The following PRMT5 variants were observed in gnomAD, a reference collection of about 807,000 sequenced individuals.
PRMT5 encodes the protein protein arginine methyltransferase 5.
Under a neutral mutation model 84.0 loss-of-function variants are expected in PRMT5, and 15 were observed. The ratio of observed to expected loss-of-function variants is 0.18; its 90% CI spans 0.12 to 0.28. The LOEUF (loss-of-function observed/expected upper bound fraction) is 0.28, where lower values mean the gene tolerates loss of function less well. Among genes scored for constraint, PRMT5 ranks in the 10% least tolerant of loss-of-function variants. The pLI, the probability that PRMT5 is intolerant of heterozygous loss-of-function variation, is 1.00. For synonymous variants in PRMT5, 276 were observed against 292.4 expected (o/e 0.94, Z 0.57); for missense variants, 486 against 808.0 (o/e 0.60, Z 4.83).
chr14:22,921,785 G>A (rs1308003948), intron 16 of PRMT5, among the ~76,000 whole-genome samples: 5 of 151,686 alleles, frequency 3.3e-5, no homozygotes, highest in Non-Finnish European at 1.5e-5. Context: ...GGGAGGCTGA[G>A]GCAGGAGAAT....
At position 22,922,067 on chromosome 14, in the gene PRMT5, T is replaced by C. The variant is rs193141695; in HGVS notation, c.1761+109A>G. ...CACTGGGATCCAAGAGCATATGAAA[T>C]CAGGAGAACATGAGTCATAGTCAAC... On this transcript the variant is annotated intron_variant, in intron 16 of 16. Coordinates refer to ENST00000324366, the MANE Select transcript of PRMT5 (RefSeq NM_006109.5). 3,148 of 999,386 alleles carry C rather than the reference T, an allele frequency of 3.1e-3. 29 individuals carry two copies. The highest frequency in any genetic ancestry group is 2.5e-3 in the Non-Finnish European group (1,609 of 639,072). 61.9% of individuals were successfully genotyped at this position (999,386 alleles called of 1,614,324 possible).
At chr14:22,925,477 G>A (rs755575474) in intron 7 of PRMT5, among the ~76,000 whole-genome samples, 4 of 152,024 alleles carry the variant, frequency 2.6e-5, no homozygotes, top group South Asian at 4.1e-4. Context: ...GTTCTCTAGC[G>A]TCTGTCCCAA....
rs2044332738 is a variant in PRMT5 at position 22,922,820 on chromosome 14, G to A, written c.1501C>T (p.Pro501Ser). ...AAGTTGTGCAGCCGTACCACATAAG[G>A]CATCTCAAACTGGGCCTGTCAGAGA... ...DRDPEAQFEMPYVVRLHNFHQ... is the reference protein window; with the variant it reads ...DRDPEAQFEMSYVVRLHNFHQ... Residue 501 changes from proline (P) to serine (S), a missense_variant, in exon 14 of 17, where the codon CCT (proline) becomes TCT (serine). By Grantham distance (74) the Pro-to-Ser change is moderately conservative (BLOSUM62 -1). This residue lies in a region of PRMT5 where 219 missense variants were observed against 433.6 expected (regional missense o/e 0.51). Coordinates refer to ENST00000324366, the MANE Select transcript of PRMT5 (RefSeq NM_006109.5). 6.2e-7 allele frequency: 1 copy of A among 1,613,604 alleles called. No homozygotes were observed. The highest frequency in any genetic ancestry group is 1.1e-5 in the South Asian group (1 of 91,042).
chr14:22,926,688 A>G lies in PRMT5; in HGVS notation c.563+14T>C. 1 of 1,609,404 alleles carries G rather than the reference A, an allele frequency of 6.2e-7. No homozygotes were observed. Among genetic ancestry groups the G allele is most frequent in the Non-Finnish European group, 8.5e-7 (1 of 1,175,670 alleles). On this transcript the variant is annotated intron_variant, in intron 5 of 16. Coordinates refer to ENST00000324366, the MANE Select transcript of PRMT5 (RefSeq NM_006109.5). ...ATCCCTTGCACCCTGGTACAGCAGC[A>G]AAGGGAGACATACCACATCCACGTT... is the stretch of plus-strand genomic sequence containing the variant.
At chr14:22,926,667 C>G (rs768567814) in intron 5 of PRMT5, 35 bp downstream of exon 5, 54 of 1,605,744 alleles carry the variant, frequency 3.4e-5, no homozygotes, top group Non-Finnish European at 4.1e-5. Context: ...CACCCTATCC[C>G]TTGCACCCTG....
In PRMT5 at chr14:22,924,727, G is replaced by GTGT; in HGVS notation, c.940-19_940-18insACA. On this transcript the variant is annotated intron_variant, in intron 8 of 16. Transcript: ENST00000324366. This position sits in a 1 kb window ranked among gnomAD's most constrained non-coding sequence, Gnocchi z 6.5. The stretch of plus-strand genomic sequence containing the variant: ...ATCAGTGGCTGATGAATGAGGAAAA[G>GTGT]GACAAAGTTAGCCAGTTTCTGGCAA... The GTGT allele has an allele frequency of 1.9e-6, 3 of 1,611,854 alleles. No individual in the cohort carries two copies. In the South Asian group the frequency reaches 3.3e-5, roughly 18 times the overall value.
chr14:22,926,527 A>G lies in PRMT5; in HGVS notation c.592T>C (p.Tyr198His). ...WWHNFRTLCD[Y>H]SKRIAVALEI... is the part of the protein sequence containing the mutation. The stretch of plus-strand genomic sequence containing the variant: ...TCACCCACTGCAATCCTCTTACTAT[A>G]GTCACACAAAGTCCGGAAGTTGTGC... The change falls in exon 6 of 17, where the codon TAT becomes CAT. Residue 198 changes from tyrosine (Y) to histidine (H), a missense_variant. Tyr to His is a moderately conservative substitution (Grantham distance 83). Transcript: ENST00000324366. The G allele has an allele frequency of 1.2e-6, 2 of 1,614,178 alleles. No homozygotes were observed. Among genetic ancestry groups the G allele is most frequent in the Non-Finnish European group, 1.7e-6 (2 of 1,180,032 alleles).
chr14:22,922,273 C>T, intron 15 of PRMT5, 33 bp from the exon 16 acceptor site: 2 of 1,548,088 alleles, frequency 1.3e-6, no homozygotes, highest in Non-Finnish European at 1.8e-6. Context: ...AAACAGAGGT[C>T]TCCATGGCTG....
rs551620748 is a variant in PRMT5 at position 22,922,875 on chromosome 14, C to A, written c.1486-40G>T. Reference sequence around the variant, plus strand: ...AAGAGAGAGAGAGTGTTGGGGAAGACACACAAGAGAGAACTACTTCCCCAA... The same window carrying A: ...AAGAGAGAGAGAGTGTTGGGGAAGAAACACAAGAGAGAACTACTTCCCCAA... On this transcript the variant is annotated intron_variant, in intron 13 of 16. Transcript: ENST00000324366. The A allele has an allele frequency of 4.9e-5, 77 of 1,580,476 alleles. No homozygotes were observed. The East Asian group carries it at 1.7e-3, about 35-fold the overall frequency.
Position 22,928,314 on chromosome 14 carries a change from G to T in PRMT5, c.230-103C>A. 7.4e-7 allele frequency: 1 copy of T among 1,353,576 alleles called. No individual in the cohort carries two copies. The highest frequency in any genetic ancestry group is 1.2e-5 in the South Asian group (1 of 83,196). The allele number at this position is 1,353,576 out of a possible 1,614,324, so 83.8% of individuals were successfully genotyped here. A position where few individuals can be genotyped will look rare whatever the true frequency, so the allele number is the denominator to read the frequency against. ...TCAAGAGTAGAAATGAGAGACAAAG[G>T]TTTTTTCTACATAGACATGGGATAG... On this transcript the variant is annotated intron_variant, in intron 2 of 16. Transcript: ENST00000324366. This position sits in a 1 kb window ranked among gnomAD's most constrained non-coding sequence, Gnocchi z 4.8.
In PRMT5 at chr14:22,928,131, C is replaced by G; in HGVS notation, c.310G>C (p.Glu104Gln). 1 of 1,613,948 alleles carries G rather than the reference C, an allele frequency of 6.2e-7. No homozygotes were observed. Among genetic ancestry groups the G allele is most frequent in the Non-Finnish European group, 8.5e-7 (1 of 1,179,930 alleles). Residue 104 changes from glutamate to glutamine, a missense_variant, in exon 3 of 17, where the codon GAG becomes CAG. Physicochemically the swap from Glu to Gln is conservative, Grantham distance 29. This residue lies in a region of PRMT5 where 215 missense variants were observed against 301.1 expected (regional missense o/e 0.71). Transcript: ENST00000324366. The surrounding 1 kb of genome is among the most constrained non-coding windows in gnomAD (Gnocchi z 4.8). ...SKVEKIRRNS[E>Q]AAMLQELNFG... is the part of the protein sequence containing the mutation. ...GAGAAGTCAAACAGTCTTACCGCCTCGGAGTTCCTGCGAATCTTCTCCACT... is the reference window on the plus strand; with the variant it reads ...GAGAAGTCAAACAGTCTTACCGCCTGGGAGTTCCTGCGAATCTTCTCCACT...
chr14:22,922,059 A>T, intron 16 of PRMT5, 117 bp downstream of exon 16: 2 of 935,320 alleles, frequency 2.1e-6, no homozygotes, highest in Non-Finnish European at 3.4e-6. Context: ...ATCCAAGAGC[A>T]TATGAAATCA....
Position 22,920,871 on chromosome 14 carries a change from G to C in PRMT5, c.*33C>G, listed in dbSNP as rs368878515. ...TACTACAGGAGCAGAACCTGAAGCT[G>C]CTTCCAAGGCTCTGGACACTTGGCA... On this transcript the variant is annotated 3_prime_UTR_variant, in exon 17 of 17. Transcript: ENST00000324366. The C allele has an allele frequency of 1.2e-6, 2 of 1,612,140 alleles. No homozygotes were observed. The highest frequency in any genetic ancestry group is 1.3e-5 in the African/African-American group (1 of 74,908).
rs2044481785 is a variant in PRMT5 at position 22,928,788 on chromosome 14, C to A, written c.111-173G>T. Among the ~76,000 whole-genome samples, 1 of 152,106 alleles carries A rather than the reference C, an allele frequency of 6.6e-6. No individual in the cohort carries two copies. The highest frequency in any genetic ancestry group is 2.4e-5 in the African/African-American group (1 of 41,396). ...GGGATATCAACTCTGCTGTACTGTG[C>A]CTCAATTTCTCCCTAAAACACAGCC... On this transcript the variant is annotated intron_variant, in intron 1 of 16. Transcript: ENST00000324366. The surrounding 1 kb of genome is among the most constrained non-coding windows in gnomAD (Gnocchi z 4.8).
At chr14:22,926,362 G>A (rs762722940) in intron 6 of PRMT5, 66 bp from the exon 7 acceptor site, 134 of 1,598,662 alleles carry the variant, frequency 8.4e-5, no homozygotes, top group Non-Finnish European at 1.1e-4. Context: ...GCTCCTTTGC[G>A]CAAAATCTGT....
intron 14 of PRMT5, 53 bp from the exon 15 acceptor site, chr14:22,922,612 T>A: frequency 1.3e-6 from 2 of 1,530,524 alleles, no homozygotes; most frequent in Non-Finnish European, 1.8e-6. Flanking sequence ...CTAGACAACT[T>A]GATAAAGCAT....
intron 16 of PRMT5, among the ~76,000 whole-genome samples, chr14:22,921,448 G>A (rs1348659607): frequency 1.1e-4 from 16 of 152,204 alleles, no homozygotes; most frequent in Non-Finnish European, 5.9e-5. Context: ...GGTCCATAAG[G>A]CTGAAGCAGT....
Position 22,924,416 on chromosome 14 carries a change from A to G in PRMT5, c.1077-24T>C, listed in dbSNP as rs1443398563. 5 of 1,613,956 alleles carry G rather than the reference A, an allele frequency of 3.1e-6. No homozygotes were observed. Among genetic ancestry groups the G allele is most frequent in the African/African-American group, 2.7e-5 (2 of 74,894 alleles). On this transcript the variant is annotated intron_variant, in intron 10 of 16. Coordinates refer to ENST00000324366, the MANE Select transcript of PRMT5 (RefSeq NM_006109.5). The surrounding 1 kb of genome is among the most constrained non-coding windows in gnomAD (Gnocchi z 6.5). ...CCCTAAGAAAGAAAGGGAAGAGTCAAGCAGACTTGGCATATACAGATATAG... is the reference window on the plus strand; with the variant it reads ...CCCTAAGAAAGAAAGGGAAGAGTCAGGCAGACTTGGCATATACAGATATAG...
chr14:22,928,524 G>T lies in PRMT5; in HGVS notation c.202C>A (p.Arg68=). 1 of 1,613,430 alleles carries T rather than the reference G, an allele frequency of 6.2e-7. No individual in the cohort carries two copies. Among genetic ancestry groups the T allele is most frequent in the Non-Finnish European group, 8.5e-7 (1 of 1,179,366 alleles). ...CTTCCTGACAGCAGTAGGTCTGATC[G>T]TGTCTGGGGACCGGGCCGATTCTTA... The part of the protein sequence containing the change: ...PAKNRPGPQT[R]SDLLLSGRDW... The change falls in exon 2 of 17, where the codon CGA becomes AGA. Residue 68 remains arginine, a synonymous_variant. Transcript: ENST00000324366. The surrounding 1 kb of genome is among the most constrained non-coding windows in gnomAD (Gnocchi z 4.8).
Sources: gnomAD v4.1 joint callset for allele counts (sites outside exome capture counted in the v4.1 genomes callset) on GRCh38, gnomAD v4.1.1 for gene constraint, gnomAD v4.1.1 regional missense constraint, Gnocchi (gnomAD v3.1) non-coding constraint, MANE v1.5 for transcripts, NCBI Gene and HGNC (gene_info 2026-07-23, HGNC 2026-07-21) for gene names.